Variants in CNTNAP2 observed in about 807,000 individuals in gnomAD.
CNTNAP2 encodes contactin associated protein 2.
In CNTNAP2, 98 loss-of-function variants were observed where a neutral mutation model predicts 155.2. That is an observed-to-expected ratio of 0.63 (90% CI 0.54 to 0.75). CNTNAP2 has a LOEUF of 0.75. CNTNAP2 is among the 30% of genes least tolerant of loss of function. The pLI, the probability that CNTNAP2 is intolerant of heterozygous loss-of-function variation, is 0.00. For synonymous variants in CNTNAP2, 651 were observed against 631.2 expected (o/e 1.03, Z -0.47); for missense variants, 1,727 against 1,688.1 (o/e 1.02, Z -0.40).
intron 1 of CNTNAP2, among the ~76,000 whole-genome samples, chr7:146,614,848 C>T (rs1293662976): frequency 6.6e-6 from 1 of 152,086 alleles, no homozygotes; most frequent in Non-Finnish European, 1.5e-5. Flanking sequence ...TGAATCGTGT[C>T]ATTACCGTAT....
At chr7:146,424,955 A>T (rs1796067264) in intron 1 of CNTNAP2, among the ~76,000 whole-genome samples, 1 of 152,182 alleles carries the variant, frequency 6.6e-6, no homozygotes, top group Admixed American at 6.6e-5. Context: ...ATGAAGCCTT[A>T]TAATTATCAG....
At chr7:148,396,494 G>T (rs1049403216) in intron 22 of CNTNAP2, among the ~76,000 whole-genome samples, 1 of 152,110 alleles carries the variant, frequency 6.6e-6, no homozygotes, top group African/African-American at 2.4e-5. Context: ...ATTCCCAGGT[G>T]TGAATTCTCA....
In CNTNAP2 at chr7:148,131,785, C is replaced by T. The variant is rs75493416; in HGVS notation, c.2554+13497C>T. On this transcript the variant is annotated intron_variant, in intron 16 of 23. Transcript: ENST00000361727. ...GTTAACAGTCAGTCAGTGTGTGTTG[C>T]TAATGCTGGAGAATTGATTCAACTA... 1.8e-3 allele frequency among the ~76,000 whole-genome samples: 267 copies of T among 152,000 alleles called. 4 individuals carry two copies. The East Asian group carries it at 0.041, about 23-fold the overall frequency.
intron 1 of CNTNAP2, among the ~76,000 whole-genome samples, chr7:146,566,705 AAAT>A (rs1261269132): frequency 1.3e-5 from 2 of 151,718 alleles, no homozygotes; most frequent in African/African-American, 2.4e-5. Flanking sequence ...TCAAAAATAA[AAAT>A]AAAAATAAAA....
intron 1 of CNTNAP2, among the ~76,000 whole-genome samples, chr7:146,281,147 A>T (rs561455593): frequency 6.6e-6 from 1 of 152,160 alleles, no homozygotes; most frequent in African/African-American, 2.4e-5. Flanking sequence ...ACCAAAATAT[A>T]TGCATTTTTC....
At chr7:148,106,495 T>TAG (rs1396846974) in intron 15 of CNTNAP2, among the ~76,000 whole-genome samples, 1,123 of 15,888 alleles carry the variant, frequency 0.071, 25 homozygotes, top group African/African-American at 0.085. Flanking sequence ...CACTTTGAGA[T>TAG]ATATATATAT....
chr7:147,823,635 A>G (rs1257138108), intron 13 of CNTNAP2, among the ~76,000 whole-genome samples: 1 of 152,114 alleles, frequency 6.6e-6, no homozygotes, highest in Non-Finnish European at 1.5e-5. Flanking sequence ...TAGGATGAGA[A>G]GGGTACAGTT....
In CNTNAP2 at chr7:146,297,744, C is replaced by T. The variant is rs776650930; in HGVS notation, c.97+180771C>T. Among the ~76,000 whole-genome samples the T allele has an allele frequency of 3.4e-4, 51 of 151,964 alleles. 1 individual carries two copies. The highest frequency in any genetic ancestry group is 6.6e-5 in the Admixed American group (1 of 15,254). ...GTTATTCCAATGTTTATTTGTAGTG[C>T]TATACTCATAAGCATACCTTCTATA... On this transcript the variant is annotated intron_variant, in intron 1 of 23. Transcript: ENST00000361727.
intron 3 of CNTNAP2, among the ~76,000 whole-genome samples, chr7:146,873,108 G>A (rs1419972977): frequency 6.6e-6 from 1 of 152,158 alleles, no homozygotes; most frequent in Non-Finnish European, 1.5e-5. Flanking sequence ...TTGGAGAATT[G>A]TTGATGTCTT....
chr7:148,186,267 T>A (rs911105194), intron 18 of CNTNAP2, among the ~76,000 whole-genome samples: 1 of 152,248 alleles, frequency 6.6e-6, no homozygotes, highest in Admixed American at 6.5e-5. Flanking sequence ...TCACATAGTT[T>A]ACCTTATTTA....
At chr7:148,139,537 T>A (rs2116641113) in intron 16 of CNTNAP2, among the ~76,000 whole-genome samples, 1 of 152,256 alleles carries the variant, frequency 6.6e-6, no homozygotes, top group East Asian at 1.9e-4. Context: ...ATACTTCTTT[T>A]TTTTGAGACA....
chr7:147,175,966 C>T (rs554144931), intron 8 of CNTNAP2, among the ~76,000 whole-genome samples: 1 of 152,128 alleles, frequency 6.6e-6, no homozygotes, highest in Non-Finnish European at 1.5e-5. Flanking sequence ...CAAACATATC[C>T]TAATATCAAA....
chr7:147,585,652 T>G (rs1252856713), intron 12 of CNTNAP2, among the ~76,000 whole-genome samples: 1 of 151,840 alleles, frequency 6.6e-6, no homozygotes, highest in Non-Finnish European at 1.5e-5. Flanking sequence ...ACTTATAATC[T>G]CTCACCTTTA....
rs1449351531 is a variant in CNTNAP2, at chr7:147,714,207, A to G, written c.2098+74901A>G. Among the ~76,000 whole-genome samples, 7 of 147,540 alleles carry G rather than the reference A, an allele frequency of 4.7e-5. No homozygotes were observed. The Admixed American group carries it at 5.4e-4, about 11-fold the overall frequency. The stretch of plus-strand genomic sequence containing the variant: ...ACTCTCCAAATCCTTCTCTTTCCCC[A>G]GGAATTTTGGGTTTGCTTGTTCAGG... On this transcript the variant is annotated intron_variant, in intron 13 of 23. Coordinates refer to ENST00000361727, the MANE Select transcript of CNTNAP2 (RefSeq NM_014141.6).
intron 1 of CNTNAP2, among the ~76,000 whole-genome samples, chr7:146,496,179 A>G (rs371181955): frequency 6.6e-6 from 1 of 152,106 alleles, no homozygotes; most frequent in South Asian, 2.1e-4. Context: ...TTGGGTGATG[A>G]TCAAGTCTCC....
intron 15 of CNTNAP2, among the ~76,000 whole-genome samples, chr7:147,999,183 A>G (rs1202813316): frequency 6.6e-6 from 1 of 152,106 alleles, no homozygotes; most frequent in Non-Finnish European, 1.5e-5. Context: ...CCCGGGTTCC[A>G]GTGATTCTCC....
intron 15 of CNTNAP2, among the ~76,000 whole-genome samples, chr7:148,042,742 T>C (rs1802702987): frequency 6.6e-6 from 1 of 152,222 alleles, no homozygotes; most frequent in Non-Finnish European, 1.5e-5. Context: ...GTTTACCTCG[T>C]CCCTCTTCAG....
At chr7:147,145,539 C>T (rs1280927049) in intron 8 of CNTNAP2, among the ~76,000 whole-genome samples, 1 of 152,018 alleles carries the variant, frequency 6.6e-6, no homozygotes, top group Admixed American at 6.6e-5. Flanking sequence ...AGTTGAGTGC[C>T]CCAGAGGGAG....
At chr7:147,850,717 A>G (rs1054258693) in intron 13 of CNTNAP2, among the ~76,000 whole-genome samples, 1 of 152,244 alleles carries the variant, frequency 6.6e-6, no homozygotes, top group Non-Finnish European at 1.5e-5. Context: ...CTGGCTAGCC[A>G]TATGTAGAAA....
Sources: allele counts gnomAD v4.1 joint callset (sites outside exome capture counted in the v4.1 genomes callset), GRCh38; gene constraint gnomAD v4.1.1; transcripts MANE v1.5; gene names NCBI Gene and HGNC (gene_info 2026-07-23, HGNC 2026-07-21).